Variants in APOBEC3B observed in about 807,000 individuals in gnomAD.
APOBEC3B encodes the protein apolipoprotein B mRNA editing enzyme catalytic subunit 3B.
APOBEC3B carries 29 observed loss-of-function variants against 53.4 expected under a neutral mutation model. The ratio of observed to expected loss-of-function variants is 0.54; its 90% CI spans 0.40 to 0.74. APOBEC3B has a LOEUF of 0.74. Ranked by LOEUF, APOBEC3B falls within the 30% of genes least tolerant of loss-of-function variation. The pLI is 0.00. For missense variants in APOBEC3B, 347 were observed against 496.2 expected (o/e 0.70, Z 2.86); for synonymous variants, 132 against 184.8 (o/e 0.71, Z 2.32).
Position 38,983,089 on chromosome 22 carries a change from C to T in APOBEC3B, c.17+619C>T, listed in dbSNP as rs371187161. On this transcript the variant is annotated intron_variant, in intron 1 of 7. Transcript: ENST00000333467. ...ATCCCAACACTTTGGGAGGCCAAGG[C>T]GGGCGGATCATGAGGTCGGGAGTTT... Among the ~76,000 whole-genome samples, 33 of 148,048 alleles carry T rather than the reference C, an allele frequency of 2.2e-4. 2 individuals carry two copies. The highest frequency in any genetic ancestry group is 2.5e-4 in the Non-Finnish European group (17 of 67,180).
intron 3 of APOBEC3B, 72 bp from the exon 4 acceptor site, chr22:38,986,226 C>T: frequency 6.3e-7 from 1 of 1,586,894 alleles, no homozygotes; most frequent in Non-Finnish European, 8.6e-7. Flanking sequence ...AACTGACAGC[C>T]AGGAGACCAG....
chr22:38,982,465 G>C lies in APOBEC3B; in HGVS notation c.12G>C (p.Gln4His). 1 of 1,593,714 alleles carries C rather than the reference G, an allele frequency of 6.3e-7. No homozygotes were observed. Among genetic ancestry groups the C allele is most frequent in the African/African-American group, 1.3e-5 (1 of 74,394 alleles). Residue 4 changes from glutamine to histidine, a missense_variant, in exon 1 of 8, where the codon CAG (glutamine) becomes CAC (histidine). Gln to His is a conservative substitution (Grantham distance 24). Around this residue, in one of 5 missense-constraint regions of APOBEC3B, gnomAD observed 73 missense variants for 90.9 expected, o/e 0.80. Coordinates refer to ENST00000333467, the MANE Select transcript of APOBEC3B (RefSeq NM_004900.5). MNP[Q>H]IRNPMERMYR... ...CTAAGAGGCTGAACATGAATCCACAGATCAGGTACCGCTGCCCACTCTGCC... is the reference window on the plus strand; with the variant it reads ...CTAAGAGGCTGAACATGAATCCACACATCAGGTACCGCTGCCCACTCTGCC...
Position 38,985,836 on chromosome 22 carries a change from G to C in APOBEC3B, c.199G>C (p.Ala67Pro), listed in dbSNP as rs777459217. 6.3e-7 allele frequency: 1 copy of C among 1,591,434 alleles called. No individual in the cohort carries two copies. The highest frequency in any genetic ancestry group is 8.5e-7 in the Non-Finnish European group (1 of 1,172,054). Residue 67 changes from alanine to proline, a missense_variant, in exon 3 of 8, where the codon GCA becomes CCA. Ala to Pro is a conservative substitution (Grantham distance 27, BLOSUM62 -1). Around this residue, in one of 5 missense-constraint regions of APOBEC3B, gnomAD observed 73 missense variants for 90.9 expected, o/e 0.80. Transcript: ENST00000333467. ...GGTGTATTTCAAGCCTCAGTACCAC[G>C]CAGAAATGTGCTTCCTCTCTTGGTT... ...GQVYFKPQYH[A>P]EMCFLSWFCG... is the part of the protein sequence containing the mutation.
rs374615605 is a variant in APOBEC3B, at chr22:38,985,915, C to A, written c.278C>A (p.Ser93Tyr). The change falls in exon 3 of 8, where the codon TCC becomes TAC. Residue 93 changes from serine (S) to tyrosine (Y), a missense_variant. Physicochemically the swap from Ser to Tyr is moderately radical, Grantham distance 144 (BLOSUM62 -2). Coordinates refer to ENST00000333467, the MANE Select transcript of APOBEC3B (RefSeq NM_004900.5). Reference protein sequence around the residue: ...YKCFQITWFVSWTPCPDCVAK... With the variant: ...YKCFQITWFVYWTPCPDCVAK... ...TGTTTCCAGATCACCTGGTTTGTAT[C>A]CTGGACCCCCTGCCCGGACTGTGTG... 6.2e-7 allele frequency: 1 copy of A among 1,601,424 alleles called. No homozygotes were observed. Among genetic ancestry groups the A allele is most frequent in the Non-Finnish European group, 8.5e-7 (1 of 1,176,516 alleles).
chr22:38,992,673 C>G lies in APOBEC3B; in HGVS notation c.*228C>G. On this transcript the variant is annotated 3_prime_UTR_variant, in exon 8 of 8. Coordinates refer to ENST00000333467, the MANE Select transcript of APOBEC3B (RefSeq NM_004900.5). ...AAGTGTACAAGAGTAAGATTATGCTCAATATTCCCAGAATAGTTTTCAATG... is the reference window on the plus strand; with the variant it reads ...AAGTGTACAAGAGTAAGATTATGCTGAATATTCCCAGAATAGTTTTCAATG... The G allele has an allele frequency of 1.6e-6, 2 of 1,233,434 alleles. No individual in the cohort carries two copies. The highest frequency in any genetic ancestry group is 5.1e-5 in the East Asian group (2 of 39,126). The allele number at this position is 1,233,434 out of a possible 1,614,324, so 76.4% of individuals were successfully genotyped here. A position where few individuals can be genotyped will look rare whatever the true frequency, so the allele number is the denominator to read the frequency against.
chr22:38,983,997 C>A, intron 1 of APOBEC3B, 78 bp from the exon 2 acceptor site: 1 of 1,492,102 alleles, frequency 6.7e-7, no homozygotes, highest in Middle Eastern at 2.5e-4. Context: ...ATCCTGGGAG[C>A]TGTGTTCAGT....
chr22:38,984,308 C>T (rs1435503157), intron 2 of APOBEC3B, 77 bp downstream of exon 2: 8 of 1,481,166 alleles, frequency 5.4e-6, no homozygotes, highest in South Asian at 4.0e-5. Flanking sequence ...ATGGGTGAGA[C>T]AGGAGGATTT....
At position 38,989,540 on chromosome 22, in the gene APOBEC3B, A is replaced by G. The variant is rs373793482; in HGVS notation, c.653A>G (p.Tyr218Cys). ...VLRRRQTYLC[Y>C]EVERLDNGTW... ...CGACGGCGCCAGACCTACTTGTGCT[A>G]TGAGGTGGAGCGCCTGGACAATGGC... Residue 218 changes from tyrosine to cysteine, a missense_variant, in exon 5 of 8, where the codon TAT becomes TGT. Physicochemically the swap from Tyr to Cys is radical, Grantham distance 194. Coordinates refer to ENST00000333467, the MANE Select transcript of APOBEC3B (RefSeq NM_004900.5). The G allele has an allele frequency of 2.5e-6, 4 of 1,590,096 alleles. No individual in the cohort carries two copies. The highest frequency in any genetic ancestry group is 3.4e-6 in the Non-Finnish European group (4 of 1,170,186).
At chr22:38,984,023 G>A in intron 1 of APOBEC3B, 52 bp from the exon 2 acceptor site, 3 of 1,557,230 alleles carry the variant, frequency 1.9e-6, no homozygotes, top group Non-Finnish European at 1.7e-6. Flanking sequence ...TGAGCCCCGA[G>A]GACTCCCGGG....
Position 38,986,295 on chromosome 22 carries a change from C to A in APOBEC3B, c.455-3C>A. ...CTGACTGCTTCCCGCTTCTTCATCT[C>A]AGAATTTGCATACTGCTGGGAAAAC... On this transcript the variant is annotated splice_polypyrimidine_tract_variant and splice_region_variant and intron_variant, in intron 3 of 7. Coordinates refer to ENST00000333467, the MANE Select transcript of APOBEC3B (RefSeq NM_004900.5). The A allele has an allele frequency of 2.5e-6, 4 of 1,592,938 alleles. No individual in the cohort carries two copies. The highest frequency in any genetic ancestry group is 3.4e-6 in the Non-Finnish European group (4 of 1,172,010).
At chr22:38,988,023 G>A (rs1236449337) in intron 4 of APOBEC3B, among the ~76,000 whole-genome samples, 2 of 148,504 alleles carry the variant, frequency 1.3e-5, no homozygotes, top group Admixed American at 6.9e-5. Context: ...GCTTGAACCC[G>A]GGAGGGACAG....
Position 38,992,057 on chromosome 22 carries a change from T to G in APOBEC3B, c.1042T>G (p.Phe348Val). ...AGAGTTTGAGTACTGCTGGGACACC[T>G]TTGTGTACCGCCAGGGATGTCCCTT... ...YDEFEYCWDT[F>V]VYRQGCPFQP... Residue 348 changes from phenylalanine to valine, a missense_variant, in exon 7 of 8, where the codon TTT (phenylalanine) becomes GTT (valine). Physicochemically the swap from Phe to Val is conservative, Grantham distance 50. This residue lies in a region of APOBEC3B where 78 missense variants were observed against 103.9 expected (regional missense o/e 0.75). Transcript: ENST00000333467. 6.3e-7 allele frequency: 1 copy of G among 1,589,544 alleles called. No individual in the cohort carries two copies. Among genetic ancestry groups the G allele is most frequent in the South Asian group, 1.1e-5 (1 of 88,126 alleles).
Position 38,983,091 on chromosome 22 carries a change from G to A in APOBEC3B, c.17+621G>A, listed in dbSNP as rs527469014. ...CCCAACACTTTGGGAGGCCAAGGCGGGCGGATCATGAGGTCGGGAGTTTGA... is the reference window on the plus strand; with the variant it reads ...CCCAACACTTTGGGAGGCCAAGGCGAGCGGATCATGAGGTCGGGAGTTTGA... On this transcript the variant is annotated intron_variant, in intron 1 of 7. Coordinates refer to ENST00000333467, the MANE Select transcript of APOBEC3B (RefSeq NM_004900.5). Among the ~76,000 whole-genome samples, 290 of 148,162 alleles carry A rather than the reference G, an allele frequency of 2.0e-3. 12 individuals are homozygous for A. The highest frequency in any genetic ancestry group is 0.01 in the Middle Eastern group (3 of 292).
Position 38,986,417 on chromosome 22 carries a change from G to A in APOBEC3B, c.569+5G>A, listed in dbSNP as rs761795010. 4.4e-6 allele frequency: 7 copies of A among 1,592,198 alleles called. No homozygotes were observed. The highest frequency in any genetic ancestry group is 5.1e-6 in the Non-Finnish European group (6 of 1,171,582). ...CACGCTAAAGGAGATTCTCAGGTGA[G>A]GGTCTCCCTCTGGCCTCATCATCTC... On this transcript the variant is annotated splice_donor_5th_base_variant and intron_variant, in intron 4 of 7. Coordinates refer to ENST00000333467, the MANE Select transcript of APOBEC3B (RefSeq NM_004900.5).
intron 2 of APOBEC3B, 39 bp downstream of exon 2, chr22:38,984,270 C>T: frequency 1.3e-6 from 2 of 1,580,498 alleles, no homozygotes; most frequent in Middle Eastern, 1.7e-4. Flanking sequence ...GGCAGTGTTG[C>T]AGGAATTAGA....
At chr22:38,986,200 G>C (rs1338591441) in intron 3 of APOBEC3B, 98 bp from the exon 4 acceptor site, 2 of 1,582,086 alleles carry the variant, frequency 1.3e-6, no homozygotes, top group Non-Finnish European at 1.7e-6. Flanking sequence ...GCAGGGGTGG[G>C]ACTGGCACTG....
chr22:38,989,031 A>G lies in APOBEC3B; in HGVS notation c.570-426A>G, dbSNP rs898958447. ...CCCCCTCAGGAGTGTCCCTGCCCCA[A>G]TGCTGGGTGTGGTAGGAGTTAACCC... On this transcript the variant is annotated intron_variant, in intron 4 of 7. Transcript: ENST00000333467. Among the ~76,000 whole-genome samples, 49 of 147,794 alleles carry G rather than the reference A, an allele frequency of 3.3e-4. 3 individuals are homozygous for G. The highest frequency in any genetic ancestry group is 1.2e-3 in the African/African-American group (49 of 40,748).
rs758749682 is a variant in APOBEC3B, at chr22:38,991,570, A to G, written c.962A>G (p.Glu321Gly). The change falls in exon 6 of 8, where the codon GAG becomes GGG. Residue 321 changes from glutamate (E) to glycine (G), a missense_variant. Around this residue, in one of 5 missense-constraint regions of APOBEC3B, gnomAD observed 78 missense variants for 103.9 expected, o/e 0.75. Transcript: ENST00000333467. Reference sequence around the variant, plus strand: ...TATGATTACGACCCCCTATATAAGGAGGCGCTGCAAATGCTGCGGGATGCT... The same window carrying G: ...TATGATTACGACCCCCTATATAAGGGGGCGCTGCAAATGCTGCGGGATGCT... ...RIYDYDPLYK[E>G]ALQMLRDAGA... 6.0e-5 allele frequency: 95 copies of G among 1,588,998 alleles called. 7 individuals are homozygous for G. The highest frequency in any genetic ancestry group is 7.9e-5 in the Non-Finnish European group (93 of 1,171,102).
At chr22:38,992,401 C>G (rs780118261) in intron 7 of APOBEC3B, 30 bp from the exon 8 acceptor site, 13 of 1,600,330 alleles carry the variant, frequency 8.1e-6, no homozygotes, top group Admixed American at 3.4e-5. Context: ...CTCTCACCTC[C>G]TGCTCCATTC....
Sources: allele counts gnomAD v4.1 joint callset (sites outside exome capture counted in the v4.1 genomes callset), GRCh38; gene constraint gnomAD v4.1.1; regional missense constraint gnomAD v4.1.1; transcripts MANE v1.5; gene names NCBI Gene and HGNC (gene_info 2026-07-23, HGNC 2026-07-21).